Variants in INHBC observed in about 807,000 individuals in gnomAD.
INHBC encodes inhibin subunit beta C, also known as inhibin beta C chain.
Under a neutral mutation model 12.4 loss-of-function variants are expected in INHBC, and 10 were observed. The observed-to-expected ratio is 0.81, with a 90% CI of 0.50 to 1.37. The LOEUF is 1.37. Ranked by LOEUF, INHBC falls within the 40% of genes most tolerant of loss-of-function variation. The pLI, the probability that INHBC is intolerant of heterozygous loss-of-function variation, is 0.00. For synonymous variants in INHBC, 147 were observed against 171.6 expected (o/e 0.86, Z 1.12); for missense variants, 382 against 439.4 (o/e 0.87, Z 1.17).
chr12:57,442,718 G>A (rs538658334), intron 1 of INHBC, among the ~76,000 whole-genome samples: 17 of 152,084 alleles, frequency 1.1e-4, no homozygotes, highest in Non-Finnish European at 1.9e-4. Context: ...TGTTGGGCAC[G>A]TTGGCTCACA....
In INHBC at chr12:57,450,085, T is replaced by G; in HGVS notation, c.*63T>G. 2 of 1,440,230 alleles carry G rather than the reference T, an allele frequency of 1.4e-6. No homozygotes were observed. The highest frequency in any genetic ancestry group is 1.8e-6 in the Non-Finnish European group (2 of 1,096,864). 89.2% of individuals were successfully genotyped at this position (1,440,230 alleles called of 1,614,324 possible). A position where few individuals can be genotyped will look rare whatever the true frequency, so the allele number is the denominator to read the frequency against. ...AAACACGCCCCTACAGAAGTGCACT[T>G]CCTTGAGAGGAGGGAATGACCTCAT... On this transcript the variant is annotated 3_prime_UTR_variant, in exon 2 of 2. Transcript: ENST00000309668.
In INHBC at chr12:57,449,830, TA is replaced by T; in HGVS notation, c.868del (p.Ile290LeufsTer56). 6.2e-7 allele frequency: 1 copy of T among 1,613,036 alleles called. No individual in the cohort carries two copies. The highest frequency in any genetic ancestry group is 8.5e-7 in the Non-Finnish European group (1 of 1,179,300). On this transcript the variant is annotated frameshift_variant, in exon 2 of 2. Transcript: ENST00000309668. LOFTEE classifies it high-confidence loss of function. ...CACTACACATAGCAGGCATGCCTGG[TA>T]TTGCTGCCTCCTTTCACACTGCAGT... ...CPLHIAGMPG[I>X]AASFHTAVLN...
At chr12:57,435,831 G>A (rs1277697983) in intron 1 of INHBC, among the ~76,000 whole-genome samples, 1 of 151,612 alleles carries the variant, frequency 6.6e-6, no homozygotes, top group East Asian at 1.9e-4. Context: ...ACCAGCCTGA[G>A]CAACATAGCA....
rs988256630 is a variant in INHBC at position 57,434,809 on chromosome 12, C to G, written c.-78C>G. ...ACACTTCTTCCAGGGCCTCTGGCAG[C>G]CAGGACAGAGTTGAGACCACAGCTG... On this transcript the variant is annotated 5_prime_UTR_variant, in exon 1 of 2. Coordinates refer to ENST00000309668, the MANE Select transcript of INHBC (RefSeq NM_005538.4). 7.3e-7 allele frequency: 1 copy of G among 1,374,228 alleles called. No individual in the cohort carries two copies. Among genetic ancestry groups the G allele is most frequent in the Non-Finnish European group, 1.0e-6 (1 of 1,003,780 alleles). 85.1% of individuals were successfully genotyped at this position (1,374,228 alleles called of 1,614,324 possible). A position where few individuals can be genotyped will look rare whatever the true frequency, so the allele number is the denominator to read the frequency against.
At chr12:57,444,103 A>G (rs1870524938) in intron 1 of INHBC, among the ~76,000 whole-genome samples, 1 of 152,186 alleles carries the variant, frequency 6.6e-6, no homozygotes, top group South Asian at 2.1e-4. Context: ...GGTCTCAACA[A>G]GTGTTTATTG....
chr12:57,449,938 G>A lies in INHBC; in HGVS notation c.975G>A (p.Leu325=). 6.3e-7 allele frequency: 1 copy of A among 1,582,386 alleles called. No homozygotes were observed. The highest frequency in any genetic ancestry group is 8.6e-7 in the Non-Finnish European group (1 of 1,163,408). The change falls in exon 2 of 2, where the codon CTG becomes CTA. Residue 325 remains leucine, a synonymous_variant. Coordinates refer to ENST00000309668, the MANE Select transcript of INHBC (RefSeq NM_005538.4). ...GTGTACCCACGGCCCGGCGCCCCCT[G>A]TCTCTGCTCTATTATGACAGGGACA... The part of the protein sequence containing the change: ...SCCVPTARRP[L]SLLYYDRDSN...
chr12:57,439,183 C>T (rs752187596), intron 1 of INHBC, among the ~76,000 whole-genome samples: 1 of 152,206 alleles, frequency 6.6e-6, no homozygotes, highest in Non-Finnish European at 1.5e-5. Context: ...CTACCTCCCA[C>T]GCACTTAACA....
Position 57,449,913 on chromosome 12 carries a change from G to C in INHBC, c.950G>C (p.Cys317Ser), listed in dbSNP as rs780922759. The C allele has an allele frequency of 1.9e-6, 3 of 1,605,054 alleles. No homozygotes were observed. The East Asian group carries it at 6.7e-5, about 36-fold the overall frequency. Reference protein sequence around the residue: ...AAGTTGGGSCCVPTARRPLSL... With the variant: ...AAGTTGGGSCSVPTARRPLSL... ...GGCACCACTGGAGGGGGCTCATGCT[G>C]TGTACCCACGGCCCGGCGCCCCCTG... The change falls in exon 2 of 2, where the codon TGT becomes TCT. Residue 317 changes from cysteine to serine, a missense_variant. Transcript: ENST00000309668.
At chr12:57,446,751 C>T (rs1376869519) in intron 1 of INHBC, among the ~76,000 whole-genome samples, 2 of 152,082 alleles carry the variant, frequency 1.3e-5, no homozygotes, top group African/African-American at 2.4e-5. Flanking sequence ...CATGCATCCA[C>T]CTCAGTCTCC....
chr12:57,445,718 C>G (rs573475745), intron 1 of INHBC, among the ~76,000 whole-genome samples: 1 of 145,110 alleles, frequency 6.9e-6, no homozygotes, highest in Non-Finnish European at 1.5e-5. Flanking sequence ...GTGAGACCCC[C>G]CGCCCATCTC....
chr12:57,443,922 G>A (rs774166240), intron 1 of INHBC, among the ~76,000 whole-genome samples: 10 of 152,048 alleles, frequency 6.6e-5, no homozygotes, highest in Non-Finnish European at 1.3e-4. Context: ...CTGAGTAGCT[G>A]GGACTACAGG....
At position 57,449,429 on chromosome 12, in the gene INHBC, G is replaced by C. The variant is rs971353332; in HGVS notation, c.466G>C (p.Gly156Arg). The C allele has an allele frequency of 6.2e-7, 1 of 1,614,134 alleles. No homozygotes were observed. The highest frequency in any genetic ancestry group is 8.5e-7 in the Non-Finnish European group (1 of 1,180,038). Reference protein sequence around the residue: ...WTLKVRVLVLGPHNTNLTLAT... With the variant: ...WTLKVRVLVLRPHNTNLTLAT... ...CTTGAAAGTGAGAGTCCTTGTGCTG[G>C]GTCCACATAATACCAACCTCACCTT... Residue 156 changes from glycine (G) to arginine (R), a missense_variant, in exon 2 of 2, where the codon GGT (glycine) becomes CGT (arginine). Physicochemically the swap from Gly to Arg is moderately radical, Grantham distance 125. Transcript: ENST00000309668.
In INHBC at chr12:57,450,097, G is replaced by C; in HGVS notation, c.*75G>C. On this transcript the variant is annotated 3_prime_UTR_variant, in exon 2 of 2. Coordinates refer to ENST00000309668, the MANE Select transcript of INHBC (RefSeq NM_005538.4). The stretch of plus-strand genomic sequence containing the variant: ...ACAGAAGTGCACTTCCTTGAGAGGA[G>C]GGAATGACCTCATTCTCTGTCCAGA... 1 of 1,405,002 alleles carries C rather than the reference G, an allele frequency of 7.1e-7. No homozygotes were observed. The highest frequency in any genetic ancestry group is 9.4e-7 in the Non-Finnish European group (1 of 1,068,818). The allele number at this position is 1,405,002 out of a possible 1,614,324, so 87.0% of individuals were successfully genotyped here. A position where few individuals can be genotyped will look rare whatever the true frequency, so the allele number is the denominator to read the frequency against.
intron 1 of INHBC, 76 bp downstream of exon 1, chr12:57,435,275 C>A: frequency 7.4e-7 from 1 of 1,358,436 alleles, no homozygotes; most frequent in Non-Finnish European, 1.0e-6. Context: ...CCAGACTTAC[C>A]TCTGACTCCT....
intron 1 of INHBC, among the ~76,000 whole-genome samples, chr12:57,441,005 T>G (rs1393828691): frequency 2.0e-5 from 3 of 152,026 alleles, no homozygotes; most frequent in Non-Finnish European, 4.4e-5. Flanking sequence ...GCCAGGAGTT[T>G]GAGACCACCC....
chr12:57,447,241 AT>A (rs1394301924), intron 1 of INHBC, among the ~76,000 whole-genome samples: 1 of 151,910 alleles, frequency 6.6e-6, no homozygotes, highest in Non-Finnish European at 1.5e-5. Flanking sequence ...ATGGAGTGCA[AT>A]GGTGTGGTCT....
At position 57,435,169 on chromosome 12, in the gene INHBC, G is replaced by A. The variant is rs746381828; in HGVS notation, c.283G>A (p.Glu95Lys). The change falls in exon 1 of 2, where the codon GAA becomes AAA. Residue 95 changes from glutamate to lysine, a missense_variant. Physicochemically the swap from Glu to Lys is moderately conservative, Grantham distance 56. Coordinates refer to ENST00000309668, the MANE Select transcript of INHBC (RefSeq NM_005538.4). ...GALLEDNREQ[E>K]CEIISFAETG... ...ACTTCTAGAGGACAACAGGGAACAG[G>A]AATGTGAAATCATCAGCTTTGCTGA... 6.2e-6 allele frequency: 10 copies of A among 1,613,006 alleles called. No homozygotes were observed. The highest frequency in any genetic ancestry group is 7.6e-6 in the Non-Finnish European group (9 of 1,179,232).
intron 1 of INHBC, 40 bp downstream of exon 1, chr12:57,435,239 C>A (rs1252072463): frequency 1.9e-6 from 3 of 1,552,284 alleles, no homozygotes; most frequent in African/African-American, 2.7e-5. Flanking sequence ...GAACTTGACC[C>A]CTCAAGGAAA....
chr12:57,436,840 T>A (rs1160221832), intron 1 of INHBC, among the ~76,000 whole-genome samples: 1 of 151,804 alleles, frequency 6.6e-6, no homozygotes, highest in African/African-American at 2.4e-5. Flanking sequence ...CTACTTTTTA[T>A]GTATTTTTAG....
Sources: gnomAD v4.1 joint callset for allele counts (sites outside exome capture counted in the v4.1 genomes callset) on GRCh38, gnomAD v4.1.1 for gene constraint, MANE v1.5 for transcripts, NCBI Gene and HGNC (gene_info 2026-07-23, HGNC 2026-07-21) for gene names.